The following PITPNA variants were observed in gnomAD, a reference collection of about 807,000 sequenced individuals.
PITPNA encodes the protein phosphatidylinositol transfer protein alpha isoform.
Under a neutral mutation model 50.3 loss-of-function variants are expected in PITPNA, and 13 were observed. The ratio of observed to expected loss-of-function variants is 0.26; its 90% CI spans 0.17 to 0.41. The LOEUF (loss-of-function observed/expected upper bound fraction) is 0.41. PITPNA is among the 10% of genes least tolerant of loss of function. PITPNA has a pLI of 1.00. For synonymous variants in PITPNA, 120 were observed against 119.6 expected (o/e 1.00, Z -0.02); for missense variants, 207 against 333.4 (o/e 0.62, Z 2.95).
intron 6 of PITPNA, among the ~76,000 whole-genome samples, chr17:1,540,286 CAA>C (rs1008195697): frequency 6.6e-6 from 1 of 152,170 alleles, no homozygotes; most frequent in Non-Finnish European, 1.5e-5. Flanking sequence ...AATTATGACA[CAA>C]ATTCAAAATT....
intron 4 of PITPNA, among the ~76,000 whole-genome samples, chr17:1,544,513 G>A (rs1439676969): frequency 6.6e-6 from 1 of 152,172 alleles, no homozygotes; most frequent in Non-Finnish European, 1.5e-5. Context: ...GCCCTCCCAG[G>A]CCCTCAAACA....
At chr17:1,548,123 G>C (rs1264351162) in intron 4 of PITPNA, among the ~76,000 whole-genome samples, 173 bp downstream of exon 4, 1 of 152,220 alleles carries the variant, frequency 6.6e-6, no homozygotes, top group East Asian at 1.9e-4. Context: ...GTGACGACCG[G>C]TGCTTCTCGC....
chr17:1,556,427 G>A (rs1173961183), intron 2 of PITPNA, among the ~76,000 whole-genome samples: 1 of 152,156 alleles, frequency 6.6e-6, no homozygotes, highest in African/African-American at 2.4e-5. Flanking sequence ...ATGCTCTCAA[G>A]GTGGAAGTTC....
At chr17:1,524,798 G>A (rs1157727466) in intron 10 of PITPNA, among the ~76,000 whole-genome samples, 4 of 151,500 alleles carry the variant, frequency 2.6e-5, no homozygotes, top group Non-Finnish European at 5.9e-5. Context: ...GCAGTGAGCT[G>A]AGATGGCACC....
intron 10 of PITPNA, among the ~76,000 whole-genome samples, chr17:1,524,769 A>G (rs1390966100): frequency 6.6e-6 from 1 of 151,282 alleles, no homozygotes; most frequent in Non-Finnish European, 1.5e-5. Flanking sequence ...GAATCGTTTG[A>G]ACCCGGGAGG....
rs953903826 is a variant in PITPNA, at chr17:1,518,625, T to G, written c.*1936A>C. 2 of 152,486 alleles carry G rather than the reference T, an allele frequency of 1.3e-5. No individual in the cohort carries two copies. The highest frequency in any genetic ancestry group is 4.8e-5 in the African/African-American group (2 of 41,442). The allele number at this position is 152,486 out of a possible 1,614,324, so 9.4% of individuals were successfully genotyped here. On this transcript the variant is annotated 3_prime_UTR_variant, in exon 12 of 12. Coordinates refer to ENST00000313486, the MANE Select transcript of PITPNA (RefSeq NM_006224.4). ...AGCCCTTGTTAGGGCTAAAGTGATA[T>G]GTGTGGGTCTCAAGAGCCAAAGGAA...
intron 6 of PITPNA, among the ~76,000 whole-genome samples, chr17:1,539,170 C>T (rs560475201): frequency 6.6e-6 from 1 of 152,240 alleles, no homozygotes; most frequent in South Asian, 2.1e-4. Flanking sequence ...CAGGCAATGG[C>T]TATCCACAGG....
intron 2 of PITPNA, among the ~76,000 whole-genome samples, chr17:1,553,404 A>C (rs1001404586): frequency 2.0e-5 from 3 of 151,726 alleles, no homozygotes; most frequent in Non-Finnish European, 4.4e-5. Context: ...GTTTATTTTT[A>C]TTTATTTATT....
intron 9 of PITPNA, among the ~76,000 whole-genome samples, chr17:1,534,656 G>C (rs1041561067): frequency 6.6e-6 from 1 of 152,228 alleles, no homozygotes; most frequent in Non-Finnish European, 1.5e-5. Flanking sequence ...AAACTCCTTA[G>C]ACCTGCCCAG....
Position 1,529,859 on chromosome 17 carries a change from G to GAAA in PITPNA, c.768+4237_768+4239dup, listed in dbSNP as rs576234626. Among the ~76,000 whole-genome samples, 68 of 125,826 alleles carry GAAA rather than the reference G, an allele frequency of 5.4e-4. 3 individuals carry two copies. The highest frequency in any genetic ancestry group is 7.8e-3 in the Middle Eastern group (2 of 258). 82.5% of individuals were successfully genotyped at this position (125,826 alleles called of 152,430 possible). On this transcript the variant is annotated intron_variant, in intron 10 of 11. Transcript: ENST00000313486. ...GACAGAGCGAGACTCTGTTTCAAAA[G>GAAA]AAAAAAAAAAAAAGAAAACAAGTTT...
At chr17:1,550,231 G>A (rs2075701097) in intron 3 of PITPNA, among the ~76,000 whole-genome samples, 1 of 152,320 alleles carries the variant, frequency 6.6e-6, no homozygotes, top group East Asian at 1.9e-4. Flanking sequence ...GTCTACTGGG[G>A]CGTGTAACTA....
chr17:1,531,564 G>C (rs1373315727), intron 10 of PITPNA, among the ~76,000 whole-genome samples: 1 of 151,758 alleles, frequency 6.6e-6, no homozygotes, highest in Non-Finnish European at 1.5e-5. Context: ...AAATTAAAAG[G>C]ATTTTGAGCC....
At chr17:1,538,017 T>G (rs2075628054) in intron 7 of PITPNA, among the ~76,000 whole-genome samples, 1 of 151,986 alleles carries the variant, frequency 6.6e-6, no homozygotes, top group Non-Finnish European at 1.5e-5. Context: ...GGCAGGATGG[T>G]CTCGAACTCA....
At chr17:1,529,765 G>A (rs1235224733) in intron 10 of PITPNA, among the ~76,000 whole-genome samples, 4 of 151,262 alleles carry the variant, frequency 2.6e-5, no homozygotes, top group Non-Finnish European at 5.9e-5. Flanking sequence ...TGTGACATGA[G>A]AATTGCTTGA....
At chr17:1,521,317 G>A (rs1598401240) in intron 11 of PITPNA, among the ~76,000 whole-genome samples, 3 of 151,858 alleles carry the variant, frequency 2.0e-5, no homozygotes, top group Admixed American at 6.6e-5. Flanking sequence ...GGAGTGATTC[G>A]CAGCAGATGA....
At chr17:1,528,055 G>A (rs184027120) in intron 10 of PITPNA, among the ~76,000 whole-genome samples, 212 of 152,266 alleles carry the variant, frequency 1.4e-3, no homozygotes, top group African/African-American at 4.9e-3. Flanking sequence ...GGTAGGCGTG[G>A]TGGCCTGCAC....
At chr17:1,529,737 C>T (rs1381772895) in intron 10 of PITPNA, among the ~76,000 whole-genome samples, 27 of 151,788 alleles carry the variant, frequency 1.8e-4, no homozygotes, top group Non-Finnish European at 5.9e-5. Context: ...CACCTGTAGT[C>T]CCAGCTACTC....
At chr17:1,543,430 A>G (rs2075657988) in intron 4 of PITPNA, among the ~76,000 whole-genome samples, 1 of 152,104 alleles carries the variant, frequency 6.6e-6, no homozygotes, top group African/African-American at 2.4e-5. Context: ...TGCTTTGGCC[A>G]TGCACTGTAT....
intron 7 of PITPNA, among the ~76,000 whole-genome samples, chr17:1,536,493 G>A (rs1202473487): frequency 1.3e-5 from 2 of 152,014 alleles, no homozygotes; most frequent in African/African-American, 2.4e-5. Flanking sequence ...GTTTCACCGT[G>A]TTAGCCAGGA....
Sources: gnomAD v4.1 joint callset for allele counts (sites outside exome capture counted in the v4.1 genomes callset) on GRCh38, gnomAD v4.1.1 for gene constraint, MANE v1.5 for transcripts, NCBI Gene and HGNC (gene_info 2026-07-23, HGNC 2026-07-21) for gene names.